The following PAIP2 variants were observed in gnomAD, a reference collection of about 807,000 sequenced individuals.
The protein encoded by PAIP2 is polyadenylate-binding protein-interacting protein 2.
PAIP2 carries 7 observed loss-of-function variants against 14.8 expected under a neutral mutation model. That is an observed-to-expected ratio of 0.47 (90% CI 0.27 to 0.89). The LOEUF is 0.89. Among genes scored for constraint, PAIP2 ranks in the 40% least tolerant of loss-of-function variants. The pLI, the probability that PAIP2 is intolerant of heterozygous loss-of-function variation, is 0.13. For missense variants in PAIP2, 122 were observed against 154.7 expected (o/e 0.79, Z 1.12); for synonymous variants, 47 against 45.3 (o/e 1.04, Z -0.15).
In PAIP2 at chr5:139,348,478, C is replaced by T. The variant is rs565505573; in HGVS notation, c.-27+6498C>T. On this transcript the variant is annotated intron_variant, in intron 1 of 3. Transcript: ENST00000265192. The stretch of plus-strand genomic sequence containing the variant: ...CACGCCAATTTCCTGCCTCGGCCTC[C>T]TGAGTAGCTGGGACTACAGGTGCCT... 3.3e-5 allele frequency among the ~76,000 whole-genome samples: 5 copies of T among 152,064 alleles called. No homozygotes were observed. In the East Asian group the frequency reaches 9.7e-4, roughly 29 times the overall value.
In PAIP2 at chr5:139,364,755, T is replaced by C. The variant is rs754293092; in HGVS notation, c.318+12T>C. 17 of 1,565,360 alleles carry C rather than the reference T, an allele frequency of 1.1e-5. No homozygotes were observed. The highest frequency in any genetic ancestry group is 1.7e-4 in the Middle Eastern group (1 of 5,968). ...TGGAAGATCTTGTGGTAAAAAGTTA[T>C]TTTTCATCTTTTTAAAACCTAGTGC... On this transcript the variant is annotated intron_variant, in intron 3 of 3. Transcript: ENST00000265192.
chr5:139,348,543 G>T (rs1055657632), intron 1 of PAIP2, among the ~76,000 whole-genome samples: 2 of 151,638 alleles, frequency 1.3e-5, no homozygotes, highest in Admixed American at 1.3e-4. Flanking sequence ...ATTTTTAGTA[G>T]AGATGGGGTT....
chr5:139,348,231 C>T (rs1756616768), intron 1 of PAIP2, among the ~76,000 whole-genome samples: 1 of 152,010 alleles, frequency 6.6e-6, no homozygotes, highest in Admixed American at 6.6e-5. Context: ...CTGTGTCACC[C>T]AGGCTGGGGT....
chr5:139,348,801 C>G (rs534519775), intron 1 of PAIP2, among the ~76,000 whole-genome samples: 1 of 152,110 alleles, frequency 6.6e-6, no homozygotes, highest in Admixed American at 6.6e-5. Context: ...CCTCAGCCTC[C>G]CCAGTAGCTG....
intron 1 of PAIP2, among the ~76,000 whole-genome samples, chr5:139,351,233 G>A (rs911206137): frequency 4.6e-5 from 7 of 151,924 alleles, no homozygotes; most frequent in African/African-American, 1.7e-4. Flanking sequence ...ATCTCTTACA[G>A]TTAAAATGCA....
intron 3 of PAIP2, among the ~76,000 whole-genome samples, chr5:139,366,649 T>A (rs1391422278): frequency 1.3e-5 from 2 of 152,196 alleles, no homozygotes; most frequent in African/African-American, 4.8e-5. Flanking sequence ...CTGAGCATAA[T>A]GTATAACTTT....
chr5:139,355,723 G>T (rs1235576714), intron 1 of PAIP2, among the ~76,000 whole-genome samples: 2 of 152,006 alleles, frequency 1.3e-5, no homozygotes, highest in Non-Finnish European at 2.9e-5. Context: ...TGGGTGTGGT[G>T]GCGGGCGCCT....
At chr5:139,355,744 C>G (rs1436118106) in intron 1 of PAIP2, among the ~76,000 whole-genome samples, 3 of 152,072 alleles carry the variant, frequency 2.0e-5, no homozygotes. Context: ...GTAATCCCAG[C>G]TACTTGGGAG....
At chr5:139,361,747 C>T (rs534555878) in intron 1 of PAIP2, among the ~76,000 whole-genome samples, 2 of 152,030 alleles carry the variant, frequency 1.3e-5, no homozygotes, top group Admixed American at 1.3e-4. Flanking sequence ...GAGTTCAAGG[C>T]TAGCCTGGCC....
chr5:139,366,182 GAC>G (rs1449306709), intron 3 of PAIP2, among the ~76,000 whole-genome samples: 2 of 124,804 alleles, frequency 1.6e-5, no homozygotes, highest in Non-Finnish European at 3.1e-5. Context: ...TAGCCTGGGC[GAC>G]AGAGTGAGAC....
chr5:139,351,307 GTC>G, intron 1 of PAIP2, among the ~76,000 whole-genome samples: 1 of 151,120 alleles, frequency 6.6e-6, no homozygotes, highest in Non-Finnish European at 1.5e-5. Context: ...CTACTACCTT[GTC>G]TCTACTAAAA....
intron 1 of PAIP2, among the ~76,000 whole-genome samples, chr5:139,355,115 C>T (rs1029314426): frequency 2.6e-5 from 4 of 151,350 alleles, no homozygotes; most frequent in East Asian, 1.9e-4. Context: ...CATGAGCCAC[C>T]GCACCTGGCC....
chr5:139,342,267 G>T (rs753488281), intron 1 of PAIP2, among the ~76,000 whole-genome samples: 3 of 152,084 alleles, frequency 2.0e-5, no homozygotes, highest in Non-Finnish European at 4.4e-5. Context: ...GGGTTGCCGG[G>T]ATAGCACTTT....
chr5:139,364,519 A>G, intron 2 of PAIP2, 45 bp from the exon 3 acceptor site: 1 of 1,156,128 alleles, frequency 8.6e-7, no homozygotes, highest in Admixed American at 1.9e-5. Context: ...ATTCCTAGTG[A>G]TATCTACCAA....
chr5:139,363,222 C>G (rs988077294), intron 1 of PAIP2, among the ~76,000 whole-genome samples: 7 of 151,246 alleles, frequency 4.6e-5, no homozygotes, highest in African/African-American at 1.5e-4. Context: ...GCCTGGGTGA[C>G]AGAGTGAAAC....
intron 3 of PAIP2, among the ~76,000 whole-genome samples, chr5:139,368,036 T>TA (rs1165486738): frequency 6.6e-6 from 1 of 151,908 alleles, no homozygotes; most frequent in Non-Finnish European, 1.5e-5. Flanking sequence ...CCTTCTCTAC[T>TA]AAAAATACGA....
intron 1 of PAIP2, among the ~76,000 whole-genome samples, chr5:139,347,773 TAAA>T (rs950513047): frequency 1.4e-5 from 2 of 141,750 alleles, no homozygotes; most frequent in Non-Finnish European, 3.1e-5. Flanking sequence ...GGTACATCCA[TAAA>T]AAAAAAAAAG....
intron 3 of PAIP2, among the ~76,000 whole-genome samples, chr5:139,365,983 C>T (rs997762839): frequency 1.3e-5 from 2 of 152,140 alleles, no homozygotes; most frequent in South Asian, 2.1e-4. Context: ...ACGCGGATCA[C>T]GAGGTCAAGA....
chr5:139,366,652 A>G (rs1377247386), intron 3 of PAIP2, among the ~76,000 whole-genome samples: 4 of 152,206 alleles, frequency 2.6e-5, no homozygotes, highest in African/African-American at 7.2e-5. Flanking sequence ...AGCATAATGT[A>G]TAACTTTAAT....
Sources: allele counts gnomAD v4.1 joint callset (sites outside exome capture counted in the v4.1 genomes callset), GRCh38; gene constraint gnomAD v4.1.1; transcripts MANE v1.5; gene names NCBI Gene and HGNC (gene_info 2026-07-23, HGNC 2026-07-21).